The following ERC2 variants were observed in gnomAD, a reference collection of about 807,000 sequenced individuals.
The protein encoded by ERC2 is ERC protein 2.
Under a neutral mutation model 114.8 loss-of-function variants are expected in ERC2, and 42 were observed. The observed-to-expected ratio is 0.37, with a 90% confidence interval of 0.29 to 0.47. The LOEUF is 0.47. Among genes scored for constraint, ERC2 ranks in the 20% least tolerant of loss-of-function variants. The pLI, the probability that ERC2 is intolerant of heterozygous loss-of-function variation, is 0.99. For missense variants in ERC2, 939 were observed against 1,150.7 expected (o/e 0.82, Z 2.66); for synonymous variants, 454 against 425.5 (o/e 1.07, Z -0.82).
At chr3:55,725,783 ATT>A (rs1397177399) in intron 15 of ERC2, among the ~76,000 whole-genome samples, 2 of 152,216 alleles carry the variant, frequency 1.3e-5, no homozygotes, top group African/African-American at 4.8e-5. Context: ...TCTGATAGGG[ATT>A]TGAAAAATGC....
intron 15 of ERC2, among the ~76,000 whole-genome samples, chr3:55,704,852 C>T (rs1407577042): frequency 1.3e-5 from 2 of 152,212 alleles, no homozygotes; most frequent in Non-Finnish European, 2.9e-5. Context: ...TGAACATCTG[C>T]AACTGCAATG....
At chr3:55,666,506 A>G (rs1340981415) in intron 17 of ERC2, among the ~76,000 whole-genome samples, 2 of 152,198 alleles carry the variant, frequency 1.3e-5, no homozygotes, top group African/African-American at 2.4e-5. Context: ...AACTCTGATA[A>G]TGTTCAAAGT....
At chr3:55,662,290 T>C (rs1347027731) in intron 17 of ERC2, among the ~76,000 whole-genome samples, 2 of 152,250 alleles carry the variant, frequency 1.3e-5, no homozygotes, top group African/African-American at 2.4e-5. Context: ...TGCAGTCTTG[T>C]TTGTGATAGC....
At chr3:55,639,018 G>T (rs1041444200) in intron 17 of ERC2, among the ~76,000 whole-genome samples, 1 of 152,186 alleles carries the variant, frequency 6.6e-6, no homozygotes, top group Admixed American at 6.5e-5. Context: ...TGAGCGTTGA[G>T]AACACCCTAT....
chr3:55,541,572 TCTGA>T (rs1366736625), intron 17 of ERC2, among the ~76,000 whole-genome samples: 1 of 152,242 alleles, frequency 6.6e-6, no homozygotes, highest in Non-Finnish European at 1.5e-5. Context: ...TCTGACTATC[TCTGA>T]CTATCTCTGG....
At chr3:56,049,242 C>T (rs1169880791) in intron 7 of ERC2, among the ~76,000 whole-genome samples, 1 of 152,156 alleles carries the variant, frequency 6.6e-6, no homozygotes, top group Non-Finnish European at 1.5e-5. Flanking sequence ...ATGCTAAGGA[C>T]ACAGTGAAAG....
chr3:55,791,536 A>G (rs1006222192), intron 14 of ERC2, among the ~76,000 whole-genome samples: 4 of 152,182 alleles, frequency 2.6e-5, no homozygotes, highest in Admixed American at 2.0e-4. Flanking sequence ...TATGCTGAGA[A>G]ATGTCTGAGA....
At chr3:55,812,022 A>C (rs1476070045) in intron 14 of ERC2, among the ~76,000 whole-genome samples, 3 of 151,746 alleles carry the variant, frequency 2.0e-5, no homozygotes, top group East Asian at 3.9e-4. Flanking sequence ...TCCCCTGCCC[A>C]CCCCACAGGC....
chr3:56,075,378 A>G (rs1454782092), intron 7 of ERC2, among the ~76,000 whole-genome samples: 1 of 152,178 alleles, frequency 6.6e-6, no homozygotes, highest in East Asian at 1.9e-4. Flanking sequence ...ACTCCTGGTT[A>G]TGAAATCAAA....
chr3:55,769,537 G>A (rs1024529132), intron 14 of ERC2, among the ~76,000 whole-genome samples: 2 of 151,988 alleles, frequency 1.3e-5, no homozygotes, highest in African/African-American at 2.4e-5. Flanking sequence ...ATTGTCAGAC[G>A]ATGTTAGATA....
intron 10 of ERC2, among the ~76,000 whole-genome samples, chr3:56,004,446 C>A (rs1234707397): frequency 1.3e-5 from 2 of 151,970 alleles, no homozygotes; most frequent in African/African-American, 2.4e-5. Context: ...TAAGGGAGTT[C>A]CTTTTCTGCC....
intron 12 of ERC2, among the ~76,000 whole-genome samples, chr3:55,967,771 A>C (rs2068850408): frequency 6.6e-6 from 1 of 152,178 alleles, no homozygotes; most frequent in East Asian, 1.9e-4. Flanking sequence ...TGAATGGATT[A>C]ATGCTGTTGT....
At chr3:55,957,825 G>A (rs936861410) in intron 12 of ERC2, among the ~76,000 whole-genome samples, 12 of 152,182 alleles carry the variant, frequency 7.9e-5, no homozygotes, top group South Asian at 2.1e-4. Context: ...CAGGAAATGC[G>A]GTGGTACCTG....
chr3:55,778,411 T>G (rs1312595418), intron 14 of ERC2, among the ~76,000 whole-genome samples: 2 of 152,230 alleles, frequency 1.3e-5, no homozygotes, highest in Non-Finnish European at 2.9e-5. Context: ...CCATTTCATG[T>G]ATTTCACTAG....
At chr3:55,563,663 T>A (rs1340311315) in intron 17 of ERC2, among the ~76,000 whole-genome samples, 1 of 152,086 alleles carries the variant, frequency 6.6e-6, no homozygotes, top group African/African-American at 2.4e-5. Context: ...TTTCTATCTT[T>A]CCCCCAGCCA....
At chr3:55,958,976 T>C (rs2068169844) in intron 12 of ERC2, among the ~76,000 whole-genome samples, 2 of 152,138 alleles carry the variant, frequency 1.3e-5, no homozygotes, top group South Asian at 4.1e-4. Flanking sequence ...AGCCTGTTCT[T>C]GGATCCCGCT....
intron 14 of ERC2, among the ~76,000 whole-genome samples, chr3:55,866,193 TC>T (rs2062306134): frequency 6.6e-6 from 1 of 152,192 alleles, no homozygotes; most frequent in Admixed American, 6.6e-5. Flanking sequence ...GATTTATATT[TC>T]CCTAAAGACT....
At chr3:55,929,389 T>G (rs992648845) in intron 13 of ERC2, among the ~76,000 whole-genome samples, 2 of 152,168 alleles carry the variant, frequency 1.3e-5, no homozygotes, top group African/African-American at 4.8e-5. Context: ...TCTCAATTTC[T>G]CCAAGCAGCT....
intron 12 of ERC2, among the ~76,000 whole-genome samples, chr3:55,982,500 C>G (rs527346936): frequency 1.2e-3 from 187 of 152,148 alleles, no homozygotes; most frequent in African/African-American, 4.4e-3. Context: ...TAATTCAGTG[C>G]TGGCACTTAA....
Sources: allele counts gnomAD v4.1 joint callset (sites outside exome capture counted in the v4.1 genomes callset), GRCh38; gene constraint gnomAD v4.1.1; transcripts MANE v1.5; gene names NCBI Gene and HGNC (gene_info 2026-07-23, HGNC 2026-07-21).